The following GPR176 variants were observed in gnomAD, a reference collection of about 807,000 sequenced individuals.
GPR176 encodes G protein-coupled receptor 176, also known as G-protein coupled receptor 176.
Under a neutral mutation model 35.4 loss-of-function variants are expected in GPR176, and 26 were observed. The observed-to-expected ratio is 0.74, with a 90% confidence interval of 0.54 to 1.02. The LOEUF (loss-of-function observed/expected upper bound fraction) is 1.02. GPR176 is among the 50% of genes least tolerant of loss of function. The pLI, the probability that GPR176 is intolerant of heterozygous loss-of-function variation, is 0.00. For missense variants in GPR176, 597 were observed against 665.3 expected (o/e 0.90, Z 1.13); for synonymous variants, 278 against 271.3 (o/e 1.02, Z -0.24).
chr15:39,824,368 C>T (rs185862699), intron 1 of GPR176, among the ~76,000 whole-genome samples: 18 of 152,326 alleles, frequency 1.2e-4, no homozygotes, highest in African/African-American at 2.2e-4. Flanking sequence ...CCCAAACAAC[C>T]GTTCCTTCTG....
In GPR176 at chr15:39,913,842, C is replaced by G. The variant is rs145263904; in HGVS notation, c.172+6013G>C. On this transcript the variant is annotated intron_variant, in intron 1 of 2. Transcript: ENST00000561100. The stretch of plus-strand genomic sequence containing the variant: ...CAGGCAGATCACAAGGTCAGGAGAT[C>G]AAGACCATCCTGGCTAACACGGTGA... Among the ~76,000 whole-genome samples, 1,442 of 152,232 alleles carry G rather than the reference C, an allele frequency of 9.5e-3. 17 individuals are homozygous for G. The highest frequency in any genetic ancestry group is 0.024 in the African/African-American group (985 of 41,550).
At chr15:39,838,351 C>T (rs1260549814) in intron 1 of GPR176, among the ~76,000 whole-genome samples, 1 of 152,116 alleles carries the variant, frequency 6.6e-6, no homozygotes, top group Non-Finnish European at 1.5e-5. Context: ...GCTCAGCCTT[C>T]ATCTTACTAT....
rs141262780 is a variant in GPR176, at chr15:39,829,556, C to A, written c.173-22298G>T. ...TAAAGTAGAAACAGCTAAACCATAT[C>A]TATATGATCTAATTTGTTTTTGACT... is the stretch of plus-strand genomic sequence containing the variant. On this transcript the variant is annotated intron_variant, in intron 1 of 2. Transcript: ENST00000561100. 3.2e-3 allele frequency among the ~76,000 whole-genome samples: 488 copies of A among 151,650 alleles called. 4 individuals are homozygous for A. Among genetic ancestry groups the A allele is most frequent in the African/African-American group, 0.011 (460 of 41,346 alleles).
intron 2 of GPR176, 86 bp downstream of exon 2, chr15:39,806,920 C>T (rs1471422243): frequency 1.2e-5 from 15 of 1,213,532 alleles, no homozygotes; most frequent in African/African-American, 6.0e-5. Context: ...GTATACGGAA[C>T]ATTGACTACT....
At chr15:39,869,147 C>CT (rs1315254653) in intron 1 of GPR176, among the ~76,000 whole-genome samples, 1 of 75,632 alleles carries the variant, frequency 1.3e-5, no homozygotes, top group Admixed American at 1.8e-4. Context: ...CCCACAACTG[C>CT]TTTTTAAAAA....
intron 1 of GPR176, among the ~76,000 whole-genome samples, chr15:39,894,863 G>C (rs1302561924): frequency 6.6e-6 from 1 of 152,234 alleles, no homozygotes; most frequent in Non-Finnish European, 1.5e-5. Flanking sequence ...TCGGCACTTT[G>C]GGAGGCCAAG....
At chr15:39,895,194 T>TGAGAGGGAGACCGTGGAAAGAGAGG (rs2033066779) in intron 1 of GPR176, among the ~76,000 whole-genome samples, 1 of 148,412 alleles carries the variant, frequency 6.7e-6, no homozygotes, top group Non-Finnish European at 1.5e-5. Context: ...CGGCTCAGCA[T>TGAGAGGGAGACCGTGGAAAGAGAGG]GAGAGGGAGA....
In GPR176 at chr15:39,878,594, G is replaced by A. The variant is rs192879535; in HGVS notation, c.172+41261C>T. Among the ~76,000 whole-genome samples, 142 of 152,218 alleles carry A rather than the reference G, an allele frequency of 9.3e-4. 3 individuals carry two copies. The East Asian group carries it at 0.023, about 25-fold the overall frequency. On this transcript the variant is annotated intron_variant, in intron 1 of 2. Transcript: ENST00000561100. ...ATGCTGCAATGAACATAGGAATGCAGTTATCTCTTAGAGATACCAATTTTA... is the reference window on the plus strand; with the variant it reads ...ATGCTGCAATGAACATAGGAATGCAATTATCTCTTAGAGATACCAATTTTA...
chr15:39,863,146 G>A (rs576899940), intron 1 of GPR176, among the ~76,000 whole-genome samples: 1 of 150,168 alleles, frequency 6.7e-6, no homozygotes, highest in South Asian at 2.1e-4. Flanking sequence ...TGCAAGCTCC[G>A]ACTCCTGGGT....
At chr15:39,807,633 A>C (rs1899286246) in intron 1 of GPR176, 1 of 893,814 alleles carries the variant, frequency 1.1e-6, no homozygotes, top group South Asian at 1.4e-5. Context: ...ACTCTGCAAC[A>C]GAAATACAGT....
chr15:39,878,784 T>C (rs796231655), intron 1 of GPR176, among the ~76,000 whole-genome samples: 65 of 152,354 alleles, frequency 4.3e-4, no homozygotes, highest in African/African-American at 1.5e-3. Flanking sequence ...AAAACCACTT[T>C]AAAGCTCTTT....
chr15:39,808,693 T>A (rs1899347357), intron 1 of GPR176, among the ~76,000 whole-genome samples: 2 of 152,222 alleles, frequency 1.3e-5, no homozygotes, highest in African/African-American at 4.8e-5. Flanking sequence ...TAGCTCAGTA[T>A]CTGGCACAGA....
intron 1 of GPR176, 60 bp from the exon 2 acceptor site, chr15:39,807,318 G>T: frequency 8.7e-7 from 1 of 1,147,918 alleles, no homozygotes; most frequent in South Asian, 2.2e-5. Context: ...CTAAAAAAAG[G>T]AAAAAAGTAC....
intron 2 of GPR176, 27 bp downstream of exon 2, chr15:39,806,979 A>C: frequency 6.4e-7 from 1 of 1,557,446 alleles, no homozygotes; most frequent in South Asian, 1.2e-5. Flanking sequence ...TAAAAAAAAA[A>C]GTTAGCTCCT....
At chr15:39,851,835 A>G (rs2030892262) in intron 1 of GPR176, among the ~76,000 whole-genome samples, 1 of 152,126 alleles carries the variant, frequency 6.6e-6, no homozygotes. Flanking sequence ...TTTGTCTGAG[A>G]TATGTTTTGT....
chr15:39,847,976 C>T (rs1315967129), intron 1 of GPR176, among the ~76,000 whole-genome samples: 1 of 152,078 alleles, frequency 6.6e-6, no homozygotes, highest in Non-Finnish European at 1.5e-5. Flanking sequence ...CATCTTTACA[C>T]AGTCAGTGGG....
intron 1 of GPR176, among the ~76,000 whole-genome samples, chr15:39,895,380 A>C (rs74008992): frequency 0.012 from 1,759 of 152,284 alleles, 24 homozygotes; most frequent in Middle Eastern, 0.031. Flanking sequence ...CATTGAATTC[A>C]AGCATTTGTG....
chr15:39,820,377 C>G (rs1321483303), intron 1 of GPR176, among the ~76,000 whole-genome samples: 3 of 152,128 alleles, frequency 2.0e-5, no homozygotes, highest in Non-Finnish European at 2.9e-5. Flanking sequence ...TTATAGCTCA[C>G]AGGCCATGAG....
rs1485419661 is a variant in GPR176 at position 39,836,094 on chromosome 15, AAAAC to A, written c.173-28840_173-28837del. On this transcript the variant is annotated intron_variant, in intron 1 of 2. Coordinates refer to ENST00000561100, the MANE Select transcript of GPR176 (RefSeq NM_007223.3). Reference sequence around the variant, plus strand: ...TGGGCAACAGAGTGAGACCTGTCTCAAAACAAACAAACAAATATATAAGTAAATA... The same window carrying A: ...TGGGCAACAGAGTGAGACCTGTCTCAAAACAAACAAATATATAAGTAAATA... Among the ~76,000 whole-genome samples, 6 of 152,216 alleles carry A rather than the reference AAAAC, an allele frequency of 3.9e-5. No individual in the cohort carries two copies. In the East Asian group the frequency reaches 7.7e-4, roughly 20 times the overall value.
Sources: allele counts gnomAD v4.1 joint callset (sites outside exome capture counted in the v4.1 genomes callset), GRCh38; gene constraint gnomAD v4.1.1; transcripts MANE v1.5; gene names NCBI Gene and HGNC (gene_info 2026-07-23, HGNC 2026-07-21).